Variants in VIT observed in about 807,000 individuals in gnomAD.
VIT encodes vitrin.
VIT carries 99 observed loss-of-function variants against 78.0 expected under a neutral mutation model. The ratio of observed to expected loss-of-function variants is 1.27; its 90% CI spans 1.08 to 1.50. The LOEUF is 1.50. Ranked by LOEUF, VIT falls within the 40% of genes most tolerant of loss-of-function variation. The pLI is 0.00. For missense variants in VIT, 1,126 were observed against 875.3 expected (o/e 1.29, Z -3.61); for synonymous variants, 374 against 334.3 (o/e 1.12, Z -1.29).
At chr2:36,699,621 T>G (rs12712514) in intron 1 of VIT, among the ~76,000 whole-genome samples, 19,862 of 105,494 alleles carry the variant, frequency 0.19, 1,541 homozygotes, top group East Asian at 0.28. Context: ...TAGATAGATA[T>G]ATAGGTAGAT....
intron 12 of VIT, among the ~76,000 whole-genome samples, chr2:36,797,364 G>A (rs1486305831): frequency 6.6e-6 from 1 of 152,180 alleles, no homozygotes. Flanking sequence ...GGAAACTCTG[G>A]CAATATTCAG....
chr2:36,762,752 A>T (rs1669200239), intron 6 of VIT, among the ~76,000 whole-genome samples: 1 of 152,172 alleles, frequency 6.6e-6, no homozygotes, highest in African/African-American at 2.4e-5. Context: ...ATGAATTAAC[A>T]GGCTAATCAG....
intron 5 of VIT, 37 bp downstream of exon 5, chr2:36,755,091 C>T (rs1159904670): frequency 1.3e-6 from 2 of 1,591,944 alleles, no homozygotes; most frequent in Non-Finnish European, 1.7e-6. Context: ...GCTAAACCTA[C>T]CACAAGATGA....
At chr2:36,709,739 G>A (rs1665685105) in intron 1 of VIT, among the ~76,000 whole-genome samples, 1 of 152,160 alleles carries the variant, frequency 6.6e-6, no homozygotes, top group Non-Finnish European at 1.5e-5. Context: ...GACATGCAGA[G>A]TGTGGAGAAA....
chr2:36,708,110 T>TGCCCCC (rs1665552765), intron 1 of VIT, among the ~76,000 whole-genome samples: 1 of 137,786 alleles, frequency 7.3e-6, no homozygotes, highest in African/African-American at 2.7e-5. Flanking sequence ...GTAAAGGACC[T>TGCCCCC]CCCCCCCCCG....
intron 12 of VIT, among the ~76,000 whole-genome samples, chr2:36,796,966 T>C (rs1000584117): frequency 6.6e-6 from 1 of 152,226 alleles, no homozygotes; most frequent in African/African-American, 2.4e-5. Flanking sequence ...TTACTATTAA[T>C]GTTTTACATT....
At position 36,706,478 on chromosome 2, in the gene VIT, A is replaced by C. The variant is rs1466868597; in HGVS notation, c.-19+9505A>C. Among the ~76,000 whole-genome samples, 4 of 152,186 alleles carry C rather than the reference A, an allele frequency of 2.6e-5. No individual in the cohort carries two copies. In the East Asian group the frequency reaches 7.7e-4, roughly 29 times the overall value. On this transcript the variant is annotated intron_variant, in intron 1 of 15. Coordinates refer to ENST00000379242, the MANE Select transcript of VIT (RefSeq NM_053276.4). ...TGGAAATAGAACCTGGAAAGTGGTG[A>C]GAAATGAAGGGATCTTCTCCCCCTG...
intron 12 of VIT, among the ~76,000 whole-genome samples, chr2:36,800,013 A>T (rs569488048): frequency 7.1e-4 from 106 of 148,988 alleles, no homozygotes; most frequent in African/African-American, 2.5e-3. Flanking sequence ...GAGCCAGTGT[A>T]CTACAGCCTG....
chr2:36,754,864 G>T, intron 4 of VIT, 57 bp from the exon 5 acceptor site: 8 of 1,572,934 alleles, frequency 5.1e-6, no homozygotes, highest in South Asian at 1.2e-5. Context: ...CTAGCCTGTT[G>T]ATCACGTCAA....
chr2:36,781,899 G>A (rs1361168293), intron 10 of VIT, 128 bp downstream of exon 10: 31 of 1,156,470 alleles, frequency 2.7e-5, no homozygotes, highest in Non-Finnish European at 3.5e-5. Context: ...AATGGCTCCC[G>A]CCTCTGATTT....
intron 14 of VIT, 101 bp downstream of exon 14, chr2:36,805,765 G>A: frequency 7.7e-7 from 1 of 1,291,486 alleles, no homozygotes; most frequent in Non-Finnish European, 1.1e-6. Flanking sequence ...AAATGTGCAT[G>A]AAGCTCATCT....
At chr2:36,699,618 A>G (rs113028608) in intron 1 of VIT, among the ~76,000 whole-genome samples, 15,066 of 122,370 alleles carry the variant, frequency 0.12, 901 homozygotes, top group East Asian at 0.18. Context: ...ATATAGATAG[A>G]TATATAGGTA....
At chr2:36,764,289 A>G (rs1345597550) in intron 6 of VIT, among the ~76,000 whole-genome samples, 2 of 152,358 alleles carry the variant, frequency 1.3e-5, no homozygotes, top group Non-Finnish European at 2.9e-5. Context: ...CCTATTTCAT[A>G]AAATATACAA....
At chr2:36,736,941 T>C (rs909298892) in intron 3 of VIT, among the ~76,000 whole-genome samples, 1 of 152,208 alleles carries the variant, frequency 6.6e-6, no homozygotes, top group South Asian at 2.1e-4. Context: ...TTACCACGTA[T>C]TACTCTAAGA....
intron 7 of VIT, among the ~76,000 whole-genome samples, chr2:36,767,919 G>T (rs80229188): frequency 6.6e-6 from 1 of 152,118 alleles, no homozygotes; most frequent in Non-Finnish European, 1.5e-5. Context: ...GCAAGGGGGC[G>T]AAAACTTCTG....
chr2:36,795,515 C>T (rs536122246), intron 12 of VIT, among the ~76,000 whole-genome samples: 2 of 152,048 alleles, frequency 1.3e-5, no homozygotes, highest in Admixed American at 6.5e-5. Flanking sequence ...CGGGTTCAAG[C>T]GATTCTCCTG....
Position 36,730,486 on chromosome 2 carries a change from C to G in VIT, c.118+995C>G, listed in dbSNP as rs571120377. On this transcript the variant is annotated intron_variant, in intron 3 of 15. Transcript: ENST00000379242. ...CCCAAAATGGCTGCCCCAGCTCCATCCATCATGTCCACATTCCAGTCAGTA... is the reference window on the plus strand; with the variant it reads ...CCCAAAATGGCTGCCCCAGCTCCATGCATCATGTCCACATTCCAGTCAGTA... Among the ~76,000 whole-genome samples, 151 of 152,242 alleles carry G rather than the reference C, an allele frequency of 9.9e-4. 1 individual carries two copies. Among genetic ancestry groups the G allele is most frequent in the Non-Finnish European group, 1.7e-3 (118 of 68,000 alleles).
chr2:36,717,604 G>T (rs1283413860), intron 2 of VIT, among the ~76,000 whole-genome samples: 1 of 152,102 alleles, frequency 6.6e-6, no homozygotes, highest in Non-Finnish European at 1.5e-5. Context: ...CCCTTGAAGA[G>T]CAGTAGGTCA....
In VIT at chr2:36,701,143, G is replaced by A. The variant is rs567230340; in HGVS notation, c.-19+4170G>A. ...GTACCTCCTTGCAGGTAGAGACACCGTAGTAATAACAGTGGAGAGGCGTGG... is the reference window on the plus strand; with the variant it reads ...GTACCTCCTTGCAGGTAGAGACACCATAGTAATAACAGTGGAGAGGCGTGG... On this transcript the variant is annotated intron_variant, in intron 1 of 15. Coordinates refer to ENST00000379242, the MANE Select transcript of VIT (RefSeq NM_053276.4). Among the ~76,000 whole-genome samples the A allele has an allele frequency of 1.1e-4, 16 of 151,886 alleles. No homozygotes were observed. The South Asian group carries it at 1.9e-3, about 18-fold the overall frequency.
Sources: allele counts gnomAD v4.1 joint callset (sites outside exome capture counted in the v4.1 genomes callset), GRCh38; gene constraint gnomAD v4.1.1; transcripts MANE v1.5; gene names NCBI Gene and HGNC (gene_info 2026-07-23, HGNC 2026-07-21).